Variants in EBF2 observed in about 807,000 individuals in gnomAD.
The protein encoded by EBF2 is transcription factor COE2.
EBF2 carries 21 observed loss-of-function variants against 72.8 expected under a neutral mutation model. That is an observed-to-expected ratio of 0.29 (90% CI 0.20 to 0.42). The LOEUF is 0.42. EBF2 is among the 10% of genes least tolerant of loss of function. The probability of loss-of-function intolerance (pLI) is 1.00; values close to 1 mark genes in which losing one functional copy is unlikely to be tolerated. For synonymous variants in EBF2, 299 were observed against 274.2 expected, an observed-to-expected ratio of 1.09 and a Z score of -0.89; for missense variants, 637 against 731.2, an observed-to-expected ratio of 0.87 and a Z score of 1.49.
In EBF2 at chr8:26,012,713, G is replaced by C. The variant is rs187746635; in HGVS notation, c.551+20372C>G. Among the ~76,000 whole-genome samples, 45 of 152,312 alleles carry C rather than the reference G, an allele frequency of 3.0e-4. No homozygotes were observed. In the East Asian group the frequency reaches 8.1e-3, roughly 27 times the overall value. The stretch of plus-strand genomic sequence containing the variant: ...TTTTCCATATTTGCGGTGTTTGCCA[G>C]ATTTCAAACAGGTGATCCTAGCAAG... On this transcript the variant is annotated intron_variant, in intron 6 of 15. Transcript: ENST00000520164.
intron 7 of EBF2, among the ~76,000 whole-genome samples, chr8:25,894,230 T>A (rs988521479): frequency 1.3e-5 from 2 of 152,226 alleles, no homozygotes; most frequent in African/African-American, 4.8e-5. Context: ...TTGCTTTACT[T>A]CTGGAAGAAT....
chr8:25,953,402 C>T (rs1186950066), intron 6 of EBF2, among the ~76,000 whole-genome samples: 1 of 152,168 alleles, frequency 6.6e-6, no homozygotes, highest in Non-Finnish European at 1.5e-5. Context: ...CATTTAATTG[C>T]ATTTCCAAGC....
chr8:25,904,422 C>T (rs1335173780), intron 7 of EBF2, among the ~76,000 whole-genome samples: 1 of 150,616 alleles, frequency 6.6e-6, no homozygotes, highest in African/African-American at 2.4e-5. Context: ...AATCCAGGTT[C>T]CACCAGTGTT....
chr8:25,926,399 G>A (rs914183521), intron 6 of EBF2, among the ~76,000 whole-genome samples: 36 of 152,264 alleles, frequency 2.4e-4, no homozygotes, highest in African/African-American at 8.4e-4. Flanking sequence ...TCCCAAGTTG[G>A]CTAAGAAATA....
intron 6 of EBF2, among the ~76,000 whole-genome samples, chr8:25,991,129 T>C (rs944344824): frequency 2.0e-5 from 3 of 152,186 alleles, no homozygotes; most frequent in African/African-American, 7.2e-5. Context: ...AAAAAGGAGA[T>C]GCTGTTTCTT....
chr8:25,972,140 C>T (rs1182643560), intron 6 of EBF2, among the ~76,000 whole-genome samples: 1 of 152,208 alleles, frequency 6.6e-6, no homozygotes, highest in Non-Finnish European at 1.5e-5. Flanking sequence ...GTGCAGAAAT[C>T]AACAGAGAGG....
chr8:25,931,997 ATC>A (rs1803489627), intron 6 of EBF2, among the ~76,000 whole-genome samples: 1 of 152,146 alleles, frequency 6.6e-6, no homozygotes, highest in Non-Finnish European at 1.5e-5. Flanking sequence ...ATTGGCTTTG[ATC>A]TTGCTAGCAA....
At chr8:26,015,326 C>T (rs1437498274) in intron 6 of EBF2, among the ~76,000 whole-genome samples, 1 of 152,176 alleles carries the variant, frequency 6.6e-6, no homozygotes, top group Non-Finnish European at 1.5e-5. Context: ...CACAAATAAG[C>T]CTGGATAGAA....
At chr8:25,891,215 G>A (rs748359144) in intron 7 of EBF2, among the ~76,000 whole-genome samples, 6 of 152,124 alleles carry the variant, frequency 3.9e-5, no homozygotes, top group Non-Finnish European at 7.3e-5. Flanking sequence ...CAGGGGTGGG[G>A]GAGAAGCTCA....
chr8:25,855,407 CTGTT>C (rs1286860315), intron 14 of EBF2, among the ~76,000 whole-genome samples: 6 of 152,118 alleles, frequency 3.9e-5, no homozygotes, highest in East Asian at 1.9e-4. Flanking sequence ...GAAAAAACAT[CTGTT>C]TGGCCATTTT....
At chr8:25,907,760 G>T (rs968660857) in intron 7 of EBF2, among the ~76,000 whole-genome samples, 75 of 152,278 alleles carry the variant, frequency 4.9e-4, no homozygotes, top group African/African-American at 1.8e-3. Flanking sequence ...AAAAGGAGGT[G>T]CCACATCTAG....
At chr8:25,941,194 A>T (rs1803663379) in intron 6 of EBF2, among the ~76,000 whole-genome samples, 1 of 140,492 alleles carries the variant, frequency 7.1e-6, no homozygotes, top group Non-Finnish European at 1.5e-5. Flanking sequence ...CCCCAAAGTG[A>T]TTGCTGCTCC....
intron 6 of EBF2, among the ~76,000 whole-genome samples, chr8:25,938,575 A>C (rs2117153927): frequency 6.6e-6 from 1 of 152,276 alleles, no homozygotes; most frequent in African/African-American, 2.4e-5. Context: ...AATCATGATA[A>C]GATTTTCTTT....
intron 6 of EBF2, among the ~76,000 whole-genome samples, chr8:26,003,258 A>G (rs145768970): frequency 0.01 from 1,576 of 152,250 alleles, 18 homozygotes; most frequent in South Asian, 0.027. Flanking sequence ...AGTGCCCAAA[A>G]CTTCTAGGCC....
At chr8:25,942,424 T>C (rs1035103594) in intron 6 of EBF2, among the ~76,000 whole-genome samples, 3 of 152,218 alleles carry the variant, frequency 2.0e-5, no homozygotes, top group African/African-American at 7.2e-5. Context: ...CTTCTCCCTT[T>C]GCTGTGAGCA....
intron 6 of EBF2, among the ~76,000 whole-genome samples, chr8:26,020,366 C>T (rs765981309): frequency 2.6e-5 from 4 of 152,148 alleles, no homozygotes; most frequent in African/African-American, 4.8e-5. Flanking sequence ...GCTCAATGGA[C>T]GCCACTTGAA....
rs17054477 is a variant in EBF2 at position 25,850,615 on chromosome 8, C to T, written c.1675G>A (p.Gly559Ser). The T allele has an allele frequency of 7.6e-3, 11,943 of 1,563,318 alleles. 464 individuals carry two copies. The African/African-American group carries it at 0.11, about 14-fold the overall frequency. The change falls in exon 15 of 16, where the codon GGC (glycine) becomes AGC (serine). Residue 559 changes from glycine to serine, a missense_variant. Physicochemically the swap from Gly to Ser is moderately conservative, Grantham distance 56 (BLOSUM62 0). Transcript: ENST00000520164. ...QGSPSPACSS[G>S]NGNGFRAMTG... is the part of the protein sequence containing the mutation. ...TTACCTCTGAATCCATTTCCATTGC[C>T]GCTGGAGCAGGCAGGTGAAGGGGAG...
At chr8:25,990,414 C>T (rs1016935235) in intron 6 of EBF2, among the ~76,000 whole-genome samples, 3 of 152,170 alleles carry the variant, frequency 2.0e-5, no homozygotes, top group Non-Finnish European at 4.4e-5. Flanking sequence ...CAAGAACCCT[C>T]CTCAATGTCA....
intron 10 of EBF2, among the ~76,000 whole-genome samples, chr8:25,877,982 A>G (rs1362367323): frequency 6.6e-6 from 1 of 152,158 alleles, no homozygotes; most frequent in Non-Finnish European, 1.5e-5. Flanking sequence ...ATGATCAGCC[A>G]AATTAGGGAA....
Sources: gnomAD v4.1 joint callset for allele counts (sites outside exome capture counted in the v4.1 genomes callset) on GRCh38, gnomAD v4.1.1 for gene constraint, MANE v1.5 for transcripts, NCBI Gene and HGNC (gene_info 2026-07-23, HGNC 2026-07-21) for gene names.